WDR70: variants seen among roughly 807,000 people sequenced by gnomAD.
The protein encoded by WDR70 is WD repeat domain 70.
WDR70 carries 53 observed loss-of-function variants against 88.6 expected under a neutral mutation model. The observed-to-expected ratio is 0.60, with a 90% CI of 0.48 to 0.75. The LOEUF (loss-of-function observed/expected upper bound fraction) is 0.75, where lower values mean the gene tolerates loss of function less well. Among genes scored for constraint, WDR70 ranks in the 30% least tolerant of loss-of-function variants. The pLI is 0.00. For missense variants in WDR70, 610 were observed against 823.2 expected (o/e 0.74, Z 3.17); for synonymous variants, 280 against 270.0 (o/e 1.04, Z -0.36).
At chr5:37,407,253 T>G (rs1749380797) in intron 5 of WDR70, among the ~76,000 whole-genome samples, 1 of 152,078 alleles carries the variant, frequency 6.6e-6, no homozygotes, top group Non-Finnish European at 1.5e-5. Flanking sequence ...GCCGGTGTAG[T>G]GTTTACACCT....
intron 9 of WDR70, among the ~76,000 whole-genome samples, chr5:37,534,778 C>T (rs560702631): frequency 6.6e-6 from 1 of 152,278 alleles, no homozygotes; most frequent in South Asian, 2.1e-4. Context: ...CGCACCTGGC[C>T]ACAAGTCAGG....
chr5:37,402,944 G>GTTTTTTT lies in WDR70; in HGVS notation c.492+6388_492+6394dup, dbSNP rs5867348. ...TTTCCCTCCTTCCCTCCCTCCCTCC[G>GTTTTTTT]TTTTTTTTTTTTTTTTTTTTGAGTC... is the stretch of plus-strand genomic sequence containing the variant. On this transcript the variant is annotated intron_variant, in intron 5 of 17. Coordinates refer to ENST00000265107, the MANE Select transcript of WDR70 (RefSeq NM_018034.4). Among the ~76,000 whole-genome samples the GTTTTTTT allele has an allele frequency of 1.3e-3, 106 of 84,378 alleles. 12 individuals carry two copies. The highest frequency in any genetic ancestry group is 4.0e-3 in the African/African-American group (78 of 19,482). The allele number at this position is 84,378 out of a possible 152,430, so 55.4% of individuals were successfully genotyped here.
intron 5 of WDR70, among the ~76,000 whole-genome samples, chr5:37,415,424 C>A (rs1749680677): frequency 1.1e-5 from 1 of 95,104 alleles, no homozygotes. Flanking sequence ...ACCCCCCCAC[C>A]TCCCTCCCGG....
At chr5:37,671,707 T>C (rs1370914226) in intron 10 of WDR70, among the ~76,000 whole-genome samples, 1 of 152,196 alleles carries the variant, frequency 6.6e-6, no homozygotes, top group Non-Finnish European at 1.5e-5. Flanking sequence ...ATAGATACAC[T>C]AGAGTAATAG....
At chr5:37,483,214 A>G (rs1246992900) in intron 8 of WDR70, among the ~76,000 whole-genome samples, 1 of 151,612 alleles carries the variant, frequency 6.6e-6, no homozygotes, top group African/African-American at 2.4e-5. Context: ...CAAGTGAACA[A>G]AGGTCTCTGG....
At chr5:37,521,793 T>C (rs1741102409) in intron 9 of WDR70, among the ~76,000 whole-genome samples, 1 of 152,182 alleles carries the variant, frequency 6.6e-6, no homozygotes, top group African/African-American at 2.4e-5. Context: ...GCTGGTTCCA[T>C]GTTTTTGCAA....
chr5:37,650,963 C>A lies in WDR70; in HGVS notation c.1092+45725C>A, dbSNP rs1397880322. The stretch of plus-strand genomic sequence containing the variant: ...GAACTTCAATCTACAGAATGGGCTT[C>A]ATTTTTTTTTTTTTTATACTTTAAG... On this transcript the variant is annotated intron_variant, in intron 10 of 17. Transcript: ENST00000265107. Among the ~76,000 whole-genome samples, 3 of 104,330 alleles carry A rather than the reference C, an allele frequency of 2.9e-5. No homozygotes were observed. The East Asian group carries it at 6.8e-4, about 23-fold the overall frequency. 68.4% of individuals were successfully genotyped at this position (104,330 alleles called of 152,430 possible).
chr5:37,610,090 ACTC>A (rs1215637454), intron 10 of WDR70, among the ~76,000 whole-genome samples: 1 of 151,886 alleles, frequency 6.6e-6, no homozygotes, highest in African/African-American at 2.4e-5. Flanking sequence ...GGAGTTCAAG[ACTC>A]CTGTCTCTAC....
intron 7 of WDR70, among the ~76,000 whole-genome samples, chr5:37,446,055 C>T (rs1738467406): frequency 6.6e-6 from 1 of 152,086 alleles, no homozygotes; most frequent in African/African-American, 2.4e-5. Context: ...GTCTCAGCCC[C>T]AAAACTCTTT....
At chr5:37,594,554 G>A (rs1236603262) in intron 9 of WDR70, among the ~76,000 whole-genome samples, 3 of 152,180 alleles carry the variant, frequency 2.0e-5, no homozygotes, top group African/African-American at 7.2e-5. Flanking sequence ...TAGCCTTGTA[G>A]TATAGTTTGA....
At chr5:37,744,236 A>G (rs558709801) in intron 17 of WDR70, among the ~76,000 whole-genome samples, 1 of 152,244 alleles carries the variant, frequency 6.6e-6, no homozygotes, top group Admixed American at 6.5e-5. Context: ...AACAGCATCA[A>G]CAACAACAAA....
intron 8 of WDR70, among the ~76,000 whole-genome samples, chr5:37,491,810 CT>C (rs1740074890): frequency 1.3e-5 from 2 of 152,040 alleles, no homozygotes; most frequent in African/African-American, 2.4e-5. Context: ...CAAAAGAAAA[CT>C]GTTAACTTAA....
chr5:37,564,892 T>A (rs1294628981), intron 9 of WDR70, among the ~76,000 whole-genome samples: 1 of 152,190 alleles, frequency 6.6e-6, no homozygotes, highest in Non-Finnish European at 1.5e-5. Context: ...AAAAAGAGTT[T>A]TTCTATTTAT....
At chr5:37,731,353 T>C (rs1314901627) in intron 17 of WDR70, among the ~76,000 whole-genome samples, 1 of 152,198 alleles carries the variant, frequency 6.6e-6, no homozygotes, top group Non-Finnish European at 1.5e-5. Flanking sequence ...TTGTTCACAA[T>C]TTATATTAAT....
chr5:37,606,945 C>T (rs1744048890), intron 10 of WDR70, among the ~76,000 whole-genome samples: 1 of 129,534 alleles, frequency 7.7e-6, no homozygotes, highest in African/African-American at 3.0e-5. Context: ...CCCCTCCCAT[C>T]CCCTTTCTTT....
At chr5:37,454,235 T>C (rs182639438) in intron 7 of WDR70, among the ~76,000 whole-genome samples, 1 of 152,282 alleles carries the variant, frequency 6.6e-6, no homozygotes, top group East Asian at 1.9e-4. Context: ...TCAGGGCAAG[T>C]AAGGAACAGT....
chr5:37,401,164 ATTTTTTTTTTTT>A (rs559450523), intron 5 of WDR70, among the ~76,000 whole-genome samples: 4 of 69,162 alleles, frequency 5.8e-5, no homozygotes, highest in East Asian at 1.1e-3. Context: ...ACACCTAGCT[ATTTTTTTTTTTT>A]TTTTTTTTTT....
At chr5:37,715,492 A>C (rs1747628650) in intron 13 of WDR70, among the ~76,000 whole-genome samples, 1 of 152,134 alleles carries the variant, frequency 6.6e-6, no homozygotes, top group Admixed American at 6.5e-5. Context: ...TTTTCCATTG[A>C]GGGGATATCT....
At chr5:37,641,661 T>C (rs546580932) in intron 10 of WDR70, among the ~76,000 whole-genome samples, 7 of 151,840 alleles carry the variant, frequency 4.6e-5, no homozygotes, top group African/African-American at 9.7e-5. Flanking sequence ...AGGTGATCTG[T>C]TTGCCTCGGC....
Sources: gnomAD v4.1 joint callset for allele counts (sites outside exome capture counted in the v4.1 genomes callset) on GRCh38, gnomAD v4.1.1 for gene constraint, MANE v1.5 for transcripts, NCBI Gene and HGNC (gene_info 2026-07-23, HGNC 2026-07-21) for gene names.